Variants in CCDC43 observed in about 807,000 individuals in gnomAD.
CCDC43 encodes coiled-coil domain containing 43, also known as coiled-coil domain-containing protein 43.
Under a neutral mutation model 33.3 loss-of-function variants are expected in CCDC43, and 20 were observed. That is an observed-to-expected ratio of 0.60 (90% CI 0.42 to 0.87). CCDC43 has a LOEUF of 0.87. CCDC43 is among the 40% of genes least tolerant of loss of function. The pLI, the probability that CCDC43 is intolerant of heterozygous loss-of-function variation, is 0.00. For synonymous variants in CCDC43, 104 were observed against 106.5 expected (o/e 0.98, Z 0.14); for missense variants, 248 against 269.9 (o/e 0.92, Z 0.57).
At chr17:44,688,694 G>A (rs75502650) in intron 1 of CCDC43, among the ~76,000 whole-genome samples, 17,974 of 152,108 alleles carry the variant, frequency 0.12, 1,238 homozygotes, top group South Asian at 0.24. Context: ...TTTTAAGCTT[G>A]TATTTAAAAG....
intron 1 of CCDC43, chr17:44,689,184 C>G (rs1220661382): frequency 3.8e-6 from 1 of 261,084 alleles, no homozygotes; most frequent in African/African-American, 2.2e-5. Context: ...ATTTTAATAC[C>G]CCCAGTGAAC....
At chr17:44,682,611 A>G (rs1972179124) in intron 2 of CCDC43, among the ~76,000 whole-genome samples, 1 of 152,122 alleles carries the variant, frequency 6.6e-6, no homozygotes, top group Non-Finnish European at 1.5e-5. Flanking sequence ...TAATCCCAAC[A>G]CTTTGGGAGG....
In CCDC43 at chr17:44,678,931, C is replaced by G; in HGVS notation, c.600G>C (p.Glu200Asp). The change falls in exon 5 of 5, where the codon GAG (glutamate) becomes GAC (aspartate). Residue 200 changes from glutamate (E) to aspartate (D), a missense_variant. By Grantham distance (45) the Glu-to-Asp change is conservative. Coordinates refer to ENST00000315286, the MANE Select transcript of CCDC43 (RefSeq NM_144609.3). ...GCTCCTGCTTGGCTAGTTTGTCTCT[C>G]TCCCTCTGCAGCTTGTCCTGTTCCT... ...RKKEQDKLQR[E>D]RDKLAKQERK... The G allele has an allele frequency of 1.2e-6, 2 of 1,613,744 alleles. No homozygotes were observed.
chr17:44,686,607 A>AT (rs987277418), intron 1 of CCDC43, among the ~76,000 whole-genome samples: 2 of 152,164 alleles, frequency 1.3e-5, no homozygotes, highest in African/African-American at 4.8e-5. Context: ...CCATTCCTTC[A>AT]TTTATTTATA....
At chr17:44,689,468 C>T (rs1972290032) in intron 1 of CCDC43, 82 bp downstream of exon 1, 1 of 1,574,198 alleles carries the variant, frequency 6.4e-7, no homozygotes, top group Non-Finnish European at 8.6e-7. Flanking sequence ...CTGGGATACC[C>T]GGTAGGGGAG....
At chr17:44,681,811 A>G in intron 3 of CCDC43, 192 bp downstream of exon 3, 2 of 618,178 alleles carry the variant, frequency 3.2e-6, no homozygotes, top group Non-Finnish European at 5.6e-6. Context: ...TTATGTGTTG[A>G]AAAATATAAG....
At chr17:44,686,205 G>A (rs897984532) in intron 1 of CCDC43, among the ~76,000 whole-genome samples, 3 of 152,046 alleles carry the variant, frequency 2.0e-5, no homozygotes, top group South Asian at 2.1e-4. Context: ...TAGCCACCGC[G>A]CCCAGCCGAG....
Position 44,678,679 on chromosome 17 carries a change from C to T in CCDC43, c.*177G>A, listed in dbSNP as rs1040819851. On this transcript the variant is annotated 3_prime_UTR_variant, in exon 5 of 5. Coordinates refer to ENST00000315286, the MANE Select transcript of CCDC43 (RefSeq NM_144609.3). Reference sequence around the variant, plus strand: ...CAACTATAATAATCTGATTGCCCACCCCACCAAAACAGCACATTTTGTAAT... The same window carrying T: ...CAACTATAATAATCTGATTGCCCACTCCACCAAAACAGCACATTTTGTAAT... The T allele has an allele frequency of 1.6e-6, 1 of 620,874 alleles. No homozygotes were observed. Among genetic ancestry groups the T allele is most frequent in the African/African-American group, 1.9e-5 (1 of 53,916 alleles). 38.5% of individuals were successfully genotyped at this position (620,874 alleles called of 1,614,324 possible).
In CCDC43 at chr17:44,680,566, G is replaced by A; in HGVS notation, c.487+19C>T. The A allele has an allele frequency of 6.3e-7, 1 of 1,586,026 alleles. No individual in the cohort carries two copies. Among genetic ancestry groups the A allele is most frequent in the Non-Finnish European group, 8.7e-7 (1 of 1,155,446 alleles). ...AGGACTCTATGGAGAAACACATAGG[G>A]AGGGACCCAGAAGGATACGTTTGTC... On this transcript the variant is annotated intron_variant, in intron 4 of 4. Coordinates refer to ENST00000315286, the MANE Select transcript of CCDC43 (RefSeq NM_144609.3).
chr17:44,688,850 GACTT>G (rs1972279860), intron 1 of CCDC43: 1 of 152,242 alleles, frequency 6.6e-6, no homozygotes, highest in Admixed American at 6.5e-5. Context: ...ACATCTGGGT[GACTT>G]ACTATGTAAA....
Position 44,682,103 on chromosome 17 carries a change from G to C in CCDC43, c.328C>G (p.Gln110Glu), listed in dbSNP as rs769812031. Reference protein sequence around the residue: ...VQAIATLIEKQAQIVVKPRMV... With the variant: ...VQAIATLIEKEAQIVVKPRMV... ...CTTGGCTTTACTACGATTTGTGCCT[G>C]CTTCTCAATTAGGGTGGCAATGGCC... The change falls in exon 3 of 5, where the codon CAG (glutamine) becomes GAG (glutamate). Residue 110 changes from glutamine to glutamate, a missense_variant. Transcript: ENST00000315286. The C allele has an allele frequency of 2.9e-5, 46 of 1,613,910 alleles. No homozygotes were observed. The highest frequency in any genetic ancestry group is 2.2e-5 in the South Asian group (2 of 91,086).
chr17:44,686,393 C>G (rs1398215322), intron 1 of CCDC43, among the ~76,000 whole-genome samples: 1 of 152,088 alleles, frequency 6.6e-6, no homozygotes, highest in Non-Finnish European at 1.5e-5. Flanking sequence ...GGGTTTCCCC[C>G]AACCCCCACC....
In CCDC43 at chr17:44,677,443, AT is replaced by A. The variant is rs1972092898; in HGVS notation, c.*1412del. On this transcript the variant is annotated 3_prime_UTR_variant, in exon 5 of 5. Transcript: ENST00000315286. Reference sequence around the variant, plus strand: ...AATCAAAATAAGTCAGAAGACAGCAATTTAAATAAGATTTATTTTTTTAAAG... The same window carrying A: ...AATCAAAATAAGTCAGAAGACAGCAATTAAATAAGATTTATTTTTTTAAAG... 1 of 152,220 alleles carries A rather than the reference AT, an allele frequency of 6.6e-6. No homozygotes were observed. The highest frequency in any genetic ancestry group is 6.5e-5 in the Admixed American group (1 of 15,286). 9.4% of individuals were successfully genotyped at this position (152,220 alleles called of 1,614,324 possible). A position where few individuals can be genotyped will look rare whatever the true frequency, so the allele number is the denominator to read the frequency against.
chr17:44,681,717 T>C (rs983908333), intron 3 of CCDC43: 2 of 367,922 alleles, frequency 5.4e-6, no homozygotes, highest in African/African-American at 2.0e-5. Context: ...GAATTACAGC[T>C]ATATTGTATT....
rs1306540428 is a variant in CCDC43, at chr17:44,689,610, C to A, written c.144G>T (p.Leu48=). 2.5e-6 allele frequency: 4 copies of A among 1,614,008 alleles called. No homozygotes were observed. Among genetic ancestry groups the A allele is most frequent in the Non-Finnish European group, 3.4e-6 (4 of 1,179,880 alleles). ...GCTTCTCTTCTTCCTCCTCCTCCTG[C>A]AGGATACCCAAGATGTAGGCTCCAT... ...AVYGAYILGI[L]QEEEEEEKLD... The change falls in exon 1 of 5, where the codon CTG becomes CTT. Residue 48 remains leucine (L), a synonymous_variant. Transcript: ENST00000315286.
At position 44,683,946 on chromosome 17, in the gene CCDC43, A is replaced by G. The variant is rs1160983288; in HGVS notation, c.218T>C (p.Leu73Pro). ...CACAATCTCCTTGCAGATATTAAGGAGGGAATCTTCTTCCTAGTTGGAAAA... is the reference window on the plus strand; with the variant it reads ...CACAATCTCCTTGCAGATATTAAGGGGGGAATCTTCTTCCTAGTTGGAAAA... ...ILSAFLEEDS[L>P]LNICKEIVER... Residue 73 changes from leucine to proline, a missense_variant, in exon 2 of 5, where the codon CTC (leucine) becomes CCC (proline). Physicochemically the swap from Leu to Pro is moderately conservative, Grantham distance 98. Transcript: ENST00000315286. 1 of 1,611,476 alleles carries G rather than the reference A, an allele frequency of 6.2e-7. No individual in the cohort carries two copies. The highest frequency in any genetic ancestry group is 1.1e-5 in the South Asian group (1 of 91,030).
In CCDC43 at chr17:44,677,748, G is replaced by A. The variant is rs973440451; in HGVS notation, c.*1108C>T. On this transcript the variant is annotated 3_prime_UTR_variant, in exon 5 of 5. Transcript: ENST00000315286. ...TTTTAGTTTGCACCATACAAAAACA[G>A]ACTGGGCCAAATTCGGCCCGTGGGC... 1 of 152,152 alleles carries A rather than the reference G, an allele frequency of 6.6e-6. No individual in the cohort carries two copies. The highest frequency in any genetic ancestry group is 1.5e-5 in the Non-Finnish European group (1 of 68,030). The allele number at this position is 152,152 out of a possible 1,614,324, so 9.4% of individuals were successfully genotyped here.
chr17:44,688,530 G>A (rs1972275244), intron 1 of CCDC43, among the ~76,000 whole-genome samples: 1 of 152,064 alleles, frequency 6.6e-6, no homozygotes, highest in Non-Finnish European at 1.5e-5. Flanking sequence ...TTTCTAACCT[G>A]TCCATTGTAA....
In CCDC43 at chr17:44,682,195, C is replaced by T. The variant is rs992351964; in HGVS notation, c.293-57G>A. 9 of 1,602,500 alleles carry T rather than the reference C, an allele frequency of 5.6e-6. No homozygotes were observed. The Admixed American group carries it at 8.4e-5, about 15-fold the overall frequency. Reference sequence around the variant, plus strand: ...TATGAGAGAGAACAAGCTCACTGAACCACTAGTCCACATAGGCAGCACTTG... The same window carrying T: ...TATGAGAGAGAACAAGCTCACTGAATCACTAGTCCACATAGGCAGCACTTG... On this transcript the variant is annotated intron_variant, in intron 2 of 4. Coordinates refer to ENST00000315286, the MANE Select transcript of CCDC43 (RefSeq NM_144609.3).
Sources: gnomAD v4.1 joint callset for allele counts (sites outside exome capture counted in the v4.1 genomes callset) on GRCh38, gnomAD v4.1.1 for gene constraint, MANE v1.5 for transcripts, NCBI Gene and HGNC (gene_info 2026-07-23, HGNC 2026-07-21) for gene names.